The following ZNF585B variants were observed in gnomAD, a reference collection of about 807,000 sequenced individuals.
ZNF585B encodes the protein zinc finger protein 585B, also known as zinc finger protein 41-like protein.
Under a neutral mutation model 14.0 loss-of-function variants are expected in ZNF585B, and 7 were observed. The ratio of observed to expected loss-of-function variants is 0.50; its 90% confidence interval spans 0.28 to 0.94. The LOEUF is 0.94. Ranked by LOEUF, ZNF585B falls within the 40% of genes least tolerant of loss-of-function variation. The pLI is 0.09. For synonymous variants in ZNF585B, 290 were observed against 317.3 expected, an observed-to-expected ratio of 0.91 and a Z score of 0.91; for missense variants, 750 against 924.4, an observed-to-expected ratio of 0.81 and a Z score of 2.45.
At chr19:37,208,123 A>C (rs2145448340) in intron 1 of ZNF585B, among the ~76,000 whole-genome samples, 1 of 152,096 alleles carries the variant, frequency 6.6e-6, no homozygotes, top group South Asian at 2.1e-4. Flanking sequence ...CAGGCATGCG[A>C]CACCACGCCC....
At chr19:37,199,634 AAT>A (rs1248228547) in intron 2 of ZNF585B, 4 of 285,040 alleles carry the variant, frequency 1.4e-5, no homozygotes, top group Non-Finnish European at 7.1e-6. Context: ...ATAAAACAAA[AAT>A]AGAGAGGAGA....
intron 2 of ZNF585B, among the ~76,000 whole-genome samples, chr19:37,206,158 ATT>A (rs1471344174): frequency 6.6e-6 from 1 of 151,916 alleles, no homozygotes; most frequent in Non-Finnish European, 1.5e-5. Flanking sequence ...ATAAAAAAAA[ATT>A]TAGGAAACAG....
intron 2 of ZNF585B, among the ~76,000 whole-genome samples, chr19:37,201,588 A>C (rs1056247977): frequency 1.3e-5 from 2 of 152,196 alleles, no homozygotes; most frequent in African/African-American, 4.8e-5. Flanking sequence ...TTAAACATAA[A>C]ATTTTCAAAA....
intron 4 of ZNF585B, among the ~76,000 whole-genome samples, chr19:37,189,346 A>AG (rs1292386148): frequency 6.6e-6 from 1 of 152,222 alleles, no homozygotes; most frequent in Non-Finnish European, 1.5e-5. Context: ...AAGCAGATCC[A>AG]GGAATACCTG....
At chr19:37,209,907 G>T (rs1450966359) in intron 1 of ZNF585B, among the ~76,000 whole-genome samples, 7 of 151,650 alleles carry the variant, frequency 4.6e-5, no homozygotes, top group Non-Finnish European at 2.9e-5. Flanking sequence ...AGTAGAGACG[G>T]GGTTTCACCG....
chr19:37,198,289 A>C (rs1194260648), intron 2 of ZNF585B, among the ~76,000 whole-genome samples: 1 of 152,026 alleles, frequency 6.6e-6, no homozygotes, highest in Non-Finnish European at 1.5e-5. Context: ...CTCCTGCCTC[A>C]GCCTCCCCAG....
intron 2 of ZNF585B, among the ~76,000 whole-genome samples, chr19:37,196,376 T>C (rs1212709992): frequency 6.6e-6 from 1 of 152,212 alleles, no homozygotes; most frequent in African/African-American, 2.4e-5. Context: ...TAAAGAAAGA[T>C]TATTCCAAAA....
intron 2 of ZNF585B, among the ~76,000 whole-genome samples, chr19:37,203,956 T>A (rs1972560809): frequency 6.6e-6 from 1 of 152,248 alleles, no homozygotes; most frequent in Non-Finnish European, 1.5e-5. Flanking sequence ...ATTTGTAATT[T>A]AATGCTCTTT....
intron 2 of ZNF585B, among the ~76,000 whole-genome samples, chr19:37,196,509 T>G (rs977902584): frequency 3.3e-5 from 5 of 152,120 alleles, no homozygotes; most frequent in Non-Finnish European, 5.9e-5. Flanking sequence ...ACTATGTGGG[T>G]CCATTTGTAA....
chr19:37,206,391 C>T (rs1487738564), intron 2 of ZNF585B, among the ~76,000 whole-genome samples: 1 of 149,398 alleles, frequency 6.7e-6, no homozygotes, highest in African/African-American at 2.5e-5. Flanking sequence ...GCGGAGGTTG[C>T]AGTGAGCCGA....
intron 4 of ZNF585B, 172 bp downstream of exon 4, chr19:37,189,488 TC>T: frequency 1.6e-6 from 1 of 635,826 alleles, no homozygotes. Flanking sequence ...AGGAAGGTCA[TC>T]CAGGTAGAAG....
At chr19:37,200,507 G>GCC (rs1229662790) in intron 2 of ZNF585B, among the ~76,000 whole-genome samples, 1 of 137,450 alleles carries the variant, frequency 7.3e-6, no homozygotes, top group Admixed American at 8.0e-5. Flanking sequence ...CCGAGATCGT[G>GCC]CCACTACACT....
chr19:37,207,079 G>C lies in ZNF585B; in HGVS notation c.33C>G (p.Ser11=). MPASWTSPQK[S]SALAPEDHGS... is the part of the protein sequence containing the mutation. ...CATGATCCTCTGGAGCCAGGGCTGA[G>C]GATTTCTGGGGTGAGGTCCAACTAG... Residue 11 remains serine, a synonymous_variant, in exon 2 of 5, where the codon TCC becomes TCG. Transcript: ENST00000532828. 1 of 1,614,188 alleles carries C rather than the reference G, an allele frequency of 6.2e-7. No homozygotes were observed. Among genetic ancestry groups the C allele is most frequent in the Non-Finnish European group, 8.5e-7 (1 of 1,180,030 alleles).
intron 2 of ZNF585B, among the ~76,000 whole-genome samples, chr19:37,199,221 G>A (rs1972504810): frequency 6.6e-6 from 1 of 152,156 alleles, no homozygotes; most frequent in Middle Eastern, 3.4e-3. Flanking sequence ...CTCACCAAAT[G>A]AGCTTCTTAT....
rs374990717 is a variant in ZNF585B at position 37,185,201 on chromosome 19, A to G, written c.*26T>C. Reference sequence around the variant, plus strand: ...CAGTGTACAATCAGACCCAACCCTCAGGGGGGTTTTCTCACACTGTTTCTC... The same window carrying G: ...CAGTGTACAATCAGACCCAACCCTCGGGGGGGTTTTCTCACACTGTTTCTC... On this transcript the variant is annotated 3_prime_UTR_variant, in exon 5 of 5. Coordinates refer to ENST00000532828, the MANE Select transcript of ZNF585B (RefSeq NM_152279.4). 24 of 1,580,358 alleles carry G rather than the reference A, an allele frequency of 1.5e-5. No homozygotes were observed. The highest frequency in any genetic ancestry group is 1.7e-5 in the Non-Finnish European group (20 of 1,160,848).
At position 37,207,199 on chromosome 19, in the gene ZNF585B, G is replaced by A; in HGVS notation, c.-88C>T. On this transcript the variant is annotated 5_prime_UTR_variant, in exon 2 of 5. Transcript: ENST00000532828. ...CTCAGCAGAGCTGCTCCGAAGAGGTGGGCTGGAGTCTGGAGGAAGGTCTGG... is the reference window on the plus strand; with the variant it reads ...CTCAGCAGAGCTGCTCCGAAGAGGTAGGCTGGAGTCTGGAGGAAGGTCTGG... 1.3e-6 allele frequency: 2 copies of A among 1,584,156 alleles called. No homozygotes were observed. The highest frequency in any genetic ancestry group is 2.2e-5 in the South Asian group (2 of 89,010).
intron 2 of ZNF585B, among the ~76,000 whole-genome samples, chr19:37,206,667 CAG>C (rs1445430459): frequency 1.3e-5 from 2 of 152,044 alleles, no homozygotes; most frequent in African/African-American, 4.8e-5. Context: ...AGAAAGAAAA[CAG>C]AGAAAACATT....
At chr19:37,198,979 T>C (rs1972502385) in intron 2 of ZNF585B, 1 of 1,527,738 alleles carries the variant, frequency 6.5e-7, no homozygotes, top group Non-Finnish European at 8.8e-7. Context: ...GAGATTACAG[T>C]TTGTCTCTTG....
intron 2 of ZNF585B, among the ~76,000 whole-genome samples, chr19:37,191,161 A>G (rs1157629242): frequency 6.6e-6 from 1 of 152,214 alleles, no homozygotes; most frequent in Non-Finnish European, 1.5e-5. Flanking sequence ...ATTTAGTACA[A>G]TACAAATAAA....
Sources: allele counts gnomAD v4.1 joint callset (sites outside exome capture counted in the v4.1 genomes callset), GRCh38; gene constraint gnomAD v4.1.1; transcripts MANE v1.5; gene names NCBI Gene and HGNC (gene_info 2026-07-23, HGNC 2026-07-21).